Variants in ERC2 observed in about 807,000 individuals in gnomAD.
The protein encoded by ERC2 is ERC protein 2.
A neutral mutation model predicts 114.8 loss-of-function variants in ERC2; 42 were observed. The ratio of observed to expected loss-of-function variants is 0.37; its 90% CI spans 0.29 to 0.47. The LOEUF (loss-of-function observed/expected upper bound fraction) is 0.47. ERC2 is among the 20% of genes least tolerant of loss of function. The pLI, the probability that ERC2 is intolerant of heterozygous loss-of-function variation, is 0.99. For missense variants in ERC2, 939 were observed against 1,150.7 expected, an observed-to-expected ratio of 0.82 and a Z score of 2.66; for synonymous variants, 454 against 425.5, an observed-to-expected ratio of 1.07 and a Z score of -0.82.
rs564526557 is a variant in ERC2, at chr3:55,720,973, C to T, written c.2712+13798G>A. ...TGAGTTAGGTAGGAAACAATGTACC[C>T]ATTTTATAGGAAGGTAAGTTGACCT... is the stretch of plus-strand genomic sequence containing the variant. On this transcript the variant is annotated intron_variant, in intron 15 of 17. Transcript: ENST00000288221. 2.0e-5 allele frequency among the ~76,000 whole-genome samples: 3 copies of T among 152,262 alleles called. No homozygotes were observed. In the South Asian group the frequency reaches 6.2e-4, roughly 32 times the overall value.
intron 17 of ERC2, among the ~76,000 whole-genome samples, chr3:55,645,354 A>G (rs1284784316): frequency 6.6e-6 from 1 of 152,170 alleles, no homozygotes; most frequent in Non-Finnish European, 1.5e-5. Context: ...TCTGCAAAAA[A>G]ATATTTGAGA....
Position 56,182,911 on chromosome 3 carries a change from T to C in ERC2, c.1075-9391A>G, listed in dbSNP as rs17216566. On this transcript the variant is annotated intron_variant, in intron 3 of 17. Transcript: ENST00000288221. ...GTCTGAGACCAATGTCCATATTAGATATTAAAACTTAAAAGGCAAACATGG... is the reference window on the plus strand; with the variant it reads ...GTCTGAGACCAATGTCCATATTAGACATTAAAACTTAAAAGGCAAACATGG... 3.5e-3 allele frequency among the ~76,000 whole-genome samples: 528 copies of C among 152,288 alleles called. 13 individuals are homozygous for C. The East Asian group carries it at 0.057, about 16-fold the overall frequency.
chr3:56,416,659 T>TAA (rs35915351), intron 2 of ERC2, among the ~76,000 whole-genome samples: 3,101 of 104,208 alleles, frequency 0.03, 58 homozygotes, highest in Middle Eastern at 0.076. Context: ...AAAACATGAT[T>TAA]AAAAAAAAAA....
chr3:55,760,362 C>T (rs983583985), intron 14 of ERC2, among the ~76,000 whole-genome samples: 2 of 152,008 alleles, frequency 1.3e-5, no homozygotes, highest in Non-Finnish European at 2.9e-5. Context: ...GAAGACCCTA[C>T]CTCCGTGATA....
At chr3:56,408,824 C>T (rs931411366) in intron 2 of ERC2, among the ~76,000 whole-genome samples, 26 of 152,230 alleles carry the variant, frequency 1.7e-4, no homozygotes, top group African/African-American at 5.8e-4. Flanking sequence ...AGTAAGCCCG[C>T]TGTCCCCCAG....
At chr3:55,789,783 C>A (rs1020931964) in intron 14 of ERC2, among the ~76,000 whole-genome samples, 7 of 152,136 alleles carry the variant, frequency 4.6e-5, no homozygotes, top group Non-Finnish European at 8.8e-5. Context: ...AATAAGCCTA[C>A]TGGTGATACA....
At chr3:55,690,886 C>T (rs1213068145) in intron 16 of ERC2, among the ~76,000 whole-genome samples, 2 of 152,214 alleles carry the variant, frequency 1.3e-5, no homozygotes, top group African/African-American at 4.8e-5. Context: ...TGCTCATCTG[C>T]AAAGCCAGCT....
intron 2 of ERC2, among the ~76,000 whole-genome samples, chr3:56,395,814 A>C (rs77284591): frequency 0.021 from 3,201 of 152,274 alleles, 111 homozygotes; most frequent in African/African-American, 0.074. Flanking sequence ...GTTAAAAGGG[A>C]AACTGGAGTT....
chr3:56,242,368 T>A (rs1250580652), intron 3 of ERC2, among the ~76,000 whole-genome samples: 1 of 152,182 alleles, frequency 6.6e-6, no homozygotes, highest in East Asian at 1.9e-4. Flanking sequence ...CAGTGTACAC[T>A]GCTCAGGTGA....
At chr3:56,273,797 G>T (rs2053817590) in intron 3 of ERC2, among the ~76,000 whole-genome samples, 1 of 152,128 alleles carries the variant, frequency 6.6e-6, no homozygotes, top group Non-Finnish European at 1.5e-5. Context: ...CCAGAACACT[G>T]TTGCAATGTA....
intron 2 of ERC2, among the ~76,000 whole-genome samples, chr3:56,417,349 A>G (rs9843020): frequency 0.047 from 7,110 of 152,236 alleles, 412 homozygotes; most frequent in African/African-American, 0.13. Context: ...AATGTAGCAT[A>G]CCAGAAAAAT....
At chr3:55,677,158 T>C (rs975695835) in intron 17 of ERC2, among the ~76,000 whole-genome samples, 4 of 152,232 alleles carry the variant, frequency 2.6e-5, no homozygotes, top group African/African-American at 7.2e-5. Context: ...TAAATATTCA[T>C]TGGCTTTCAT....
At chr3:56,431,986 G>A (rs1307015633) in intron 2 of ERC2, among the ~76,000 whole-genome samples, 2 of 152,204 alleles carry the variant, frequency 1.3e-5, no homozygotes, top group African/African-American at 4.8e-5. Context: ...ATGGCAACCT[G>A]AGACGGTTAA....
intron 4 of ERC2, among the ~76,000 whole-genome samples, chr3:56,151,386 A>C (rs2081404515): frequency 6.6e-6 from 1 of 152,148 alleles, no homozygotes; most frequent in East Asian, 1.9e-4. Flanking sequence ...GTTCTTATAT[A>C]ACAAGTCAGT....
At position 55,837,497 on chromosome 3, in the gene ERC2, C is replaced by T. The variant is rs992035539; in HGVS notation, c.2564+50892G>A. Among the ~76,000 whole-genome samples, 14 of 150,858 alleles carry T rather than the reference C, an allele frequency of 9.3e-5. No homozygotes were observed. In the East Asian group the frequency reaches 2.4e-3, roughly 25 times the overall value. On this transcript the variant is annotated intron_variant, in intron 14 of 17. Transcript: ENST00000288221. ...GAAATCATCATTCTCAGCAAACTGT[C>T]GCAAGGACAAAAAACCAAATACCAC...
intron 14 of ERC2, among the ~76,000 whole-genome samples, chr3:55,740,095 T>C (rs1365733766): frequency 6.6e-6 from 1 of 152,174 alleles, no homozygotes; most frequent in African/African-American, 2.4e-5. Context: ...CCTCTCATAA[T>C]ACCATAAAAA....
At chr3:55,842,531 T>C (rs964419604) in intron 14 of ERC2, among the ~76,000 whole-genome samples, 2 of 152,182 alleles carry the variant, frequency 1.3e-5, no homozygotes, top group Non-Finnish European at 2.9e-5. Context: ...TATAATTCAC[T>C]GTAGACTGAT....
intron 6 of ERC2, among the ~76,000 whole-genome samples, chr3:56,138,524 G>A (rs1015787624): frequency 2.6e-5 from 4 of 152,118 alleles, no homozygotes; most frequent in East Asian, 1.9e-4. Flanking sequence ...ATTTTCTTCC[G>A]CCTCTGGACA....
chr3:55,795,372 T>C (rs2070387907), intron 14 of ERC2, among the ~76,000 whole-genome samples: 1 of 152,162 alleles, frequency 6.6e-6, no homozygotes, highest in Non-Finnish European at 1.5e-5. Flanking sequence ...GCCCCAGATC[T>C]CCATTGAGAA....
Sources: gnomAD v4.1 joint callset for allele counts (sites outside exome capture counted in the v4.1 genomes callset) on GRCh38, gnomAD v4.1.1 for gene constraint, MANE v1.5 for transcripts, NCBI Gene and HGNC (gene_info 2026-07-23, HGNC 2026-07-21) for gene names.